CIT: variants seen among roughly 807,000 people sequenced by gnomAD.
CIT encodes citron rho-interacting serine/threonine kinase.
Under a neutral mutation model 272.7 loss-of-function variants are expected in CIT, and 79 were observed. The ratio of observed to expected loss-of-function variants is 0.29; its 90% CI spans 0.24 to 0.35. The LOEUF is 0.35. Ranked by LOEUF, CIT falls within the 10% of genes least tolerant of loss-of-function variation. CIT has a pLI of 1.00. For synonymous variants in CIT, 948 were observed against 995.6 expected, an observed-to-expected ratio of 0.95 and a Z score of 0.90; for missense variants, 1,909 against 2,618.3, an observed-to-expected ratio of 0.73 and a Z score of 5.91.
At chr12:119,810,696 C>A (rs1966839563) in intron 9 of CIT, among the ~76,000 whole-genome samples, 1 of 128,764 alleles carries the variant, frequency 7.8e-6, no homozygotes. Flanking sequence ...AGTGAGATTC[C>A]ATCATCTCAG....
At chr12:119,767,052 G>C (rs1189345364) in intron 19 of CIT, 35 bp downstream of exon 19, 2 of 1,539,516 alleles carry the variant, frequency 1.3e-6, no homozygotes, top group Non-Finnish European at 1.8e-6. Context: ...GGTACTATAG[G>C]AGCAAGGCCA....
chr12:119,832,662 A>G, intron 7 of CIT, 109 bp downstream of exon 7: 1 of 877,214 alleles, frequency 1.1e-6, no homozygotes, highest in Non-Finnish European at 1.8e-6. Flanking sequence ...ACACTGCCAA[A>G]GGCTCCAAAA....
chr12:119,795,120 A>T (rs554864660), intron 10 of CIT, among the ~76,000 whole-genome samples: 13 of 152,326 alleles, frequency 8.5e-5, no homozygotes, highest in Non-Finnish European at 1.9e-4. Context: ...GGTGGCTCAC[A>T]TCTGTAATCA....
chr12:119,710,289 T>C lies in CIT; in HGVS notation c.5033A>G (p.Tyr1678Cys). ...TAGCTTCTCCAGGTCCTTGATAATA[T>C]AAATTTGGAAGACTGCTCCAATTCC... ...VPGIGAVFQIYIIKDLEKLLM... is the reference protein window; with the variant it reads ...VPGIGAVFQICIIKDLEKLLM... The change falls in exon 39 of 48, where the codon TAT (tyrosine) becomes TGT (cysteine). Residue 1678 changes from tyrosine (Y) to cysteine (C), a missense_variant. Physicochemically the swap from Tyr to Cys is radical, Grantham distance 194 (BLOSUM62 -2). Transcript: ENST00000392521. The surrounding 1 kb of genome is among the most constrained non-coding windows in gnomAD (Gnocchi z 5.6). The C allele has an allele frequency of 6.2e-7, 1 of 1,614,248 alleles. No individual in the cohort carries two copies.
chr12:119,786,537 G>A (rs1964811942), intron 10 of CIT, among the ~76,000 whole-genome samples: 1 of 152,200 alleles, frequency 6.6e-6, no homozygotes, highest in African/African-American at 2.4e-5. Context: ...AGATGTGGCA[G>A]AGCCCACCAT....
chr12:119,735,050 A>G, intron 25 of CIT, 110 bp downstream of exon 25: 1 of 963,284 alleles, frequency 1.0e-6, no homozygotes, highest in South Asian at 1.6e-5. Context: ...AAAAGAGCCC[A>G]ATTACTGTAT....
In CIT at chr12:119,832,801, T is replaced by C; in HGVS notation, c.723A>G (p.Gly241=). Reference sequence around the variant, plus strand: ...TGTTTGAATTCATTTTCGCGGCAGATCCAAAATCCACCAGCTTGATGTGTC... The same window carrying C: ...TGTTTGAATTCATTTTCGCGGCAGACCCAAAATCCACCAGCTTGATGTGTC... The part of the protein sequence containing the change: ...RTGHIKLVDF[G]SAAKMNSNKM... Residue 241 remains glycine (G), a synonymous_variant, in exon 7 of 48, where the codon GGA becomes GGG. Coordinates refer to ENST00000392521, the MANE Select transcript of CIT (RefSeq NM_001206999.2). The C allele has an allele frequency of 6.2e-7, 1 of 1,614,104 alleles. No individual in the cohort carries two copies. The highest frequency in any genetic ancestry group is 8.5e-7 in the Non-Finnish European group (1 of 1,179,954).
chr12:119,755,551 C>T (rs184560467), intron 22 of CIT, among the ~76,000 whole-genome samples: 181 of 152,334 alleles, frequency 1.2e-3, no homozygotes, highest in African/African-American at 3.8e-3. Context: ...TCCCTCCCAG[C>T]CTGGGTGTTC....
chr12:119,839,162 T>C (rs187857081), intron 5 of CIT, among the ~76,000 whole-genome samples: 10 of 152,366 alleles, frequency 6.6e-5, no homozygotes, highest in Middle Eastern at 3.4e-3. Context: ...TTTGCATCCA[T>C]ACCCCAGTAC....
chr12:119,749,631 C>T (rs1174526787), intron 23 of CIT, among the ~76,000 whole-genome samples: 1 of 152,166 alleles, frequency 6.6e-6, no homozygotes, highest in Non-Finnish European at 1.5e-5. Flanking sequence ...GGCACTTCTG[C>T]CATCATTTGA....
At chr12:119,863,230 C>T (rs1250539293) in intron 3 of CIT, among the ~76,000 whole-genome samples, 1 of 140,682 alleles carries the variant, frequency 7.1e-6, no homozygotes, top group Non-Finnish European at 1.5e-5. Context: ...AAAAAAGAGG[C>T]TGACATTATC....
At chr12:119,823,164 C>T (rs1416047701) in intron 8 of CIT, among the ~76,000 whole-genome samples, 191 bp from the exon 9 acceptor site, 1 of 152,112 alleles carries the variant, frequency 6.6e-6, no homozygotes, top group Non-Finnish European at 1.5e-5. Flanking sequence ...CATCAATAGG[C>T]TTAGTTCCTT....
intron 23 of CIT, among the ~76,000 whole-genome samples, chr12:119,751,440 C>T (rs2137410070): frequency 6.6e-6 from 1 of 152,052 alleles, no homozygotes; most frequent in Admixed American, 6.5e-5. Flanking sequence ...AACACCCCCG[C>T]TCCAAGTTCT....
chr12:119,778,513 G>C (rs1453496426), intron 13 of CIT, among the ~76,000 whole-genome samples: 1 of 152,080 alleles, frequency 6.6e-6, no homozygotes, highest in Non-Finnish European at 1.5e-5. Flanking sequence ...AGAAATAATT[G>C]GTGAGGAATA....
At position 119,803,300 on chromosome 12, in the gene CIT, G is replaced by A; in HGVS notation, c.1201C>T (p.Pro401Ser). 1 of 1,610,758 alleles carries A rather than the reference G, an allele frequency of 6.2e-7. No homozygotes were observed. The highest frequency in any genetic ancestry group is 2.3e-5 in the East Asian group (1 of 44,272). The change falls in exon 10 of 48, where the codon CCG becomes TCG. Residue 401 changes from proline to serine, a missense_variant. Physicochemically the swap from Pro to Ser is moderately conservative, Grantham distance 74. Transcript: ENST00000392521. ...PEKNSWVSSS[P>S]CQLSPSGFSG... ...AAGCCTGAGGGGCTCAGCTGGCACG[G>A]AGAGGATGAAACCCACGAATTCTTC...
chr12:119,833,777 T>G (rs1220242109), intron 6 of CIT, among the ~76,000 whole-genome samples: 1 of 152,082 alleles, frequency 6.6e-6, no homozygotes, highest in Non-Finnish European at 1.5e-5. Flanking sequence ...CAAACCAAAT[T>G]CAGTTCTTCT....
rs969665243 is a variant in CIT, at chr12:119,804,314, A to G, written c.1112-925T>C. ...TGGGCTCCCGGGGGTGTCCCCCGCC[A>G]GAAACGTTACCATGGTTGCAAGCTG... is the stretch of plus-strand genomic sequence containing the variant. On this transcript the variant is annotated intron_variant, in intron 9 of 47. Transcript: ENST00000392521. The surrounding 1 kb of genome is among the most constrained non-coding windows in gnomAD (Gnocchi z 5.3). The G allele has an allele frequency of 1.1e-5, 11 of 985,412 alleles. No homozygotes were observed. In the African/African-American group the frequency reaches 1.9e-4, roughly 17 times the overall value. 61.0% of individuals were successfully genotyped at this position (985,412 alleles called of 1,614,324 possible). A position where few individuals can be genotyped will look rare whatever the true frequency, so the allele number is the denominator to read the frequency against.
At chr12:119,731,013 G>A (rs1457376076) in intron 26 of CIT, among the ~76,000 whole-genome samples, 1 of 152,058 alleles carries the variant, frequency 6.6e-6, no homozygotes, top group Non-Finnish European at 1.5e-5. Flanking sequence ...CCTAAACCCA[G>A]CTACTCGGGA....
intron 26 of CIT, among the ~76,000 whole-genome samples, chr12:119,731,223 C>T (rs952042911): frequency 4.6e-5 from 7 of 151,950 alleles, no homozygotes; most frequent in African/African-American, 1.7e-4. Flanking sequence ...GCCTGTAATC[C>T]CAACACTTCG....
Sources: gnomAD v4.1 joint callset for allele counts (sites outside exome capture counted in the v4.1 genomes callset) on GRCh38, gnomAD v4.1.1 for gene constraint, Gnocchi (gnomAD v3.1) non-coding constraint, MANE v1.5 for transcripts, NCBI Gene and HGNC (gene_info 2026-07-23, HGNC 2026-07-21) for gene names.